RAF1: variants seen among roughly 807,000 people sequenced by gnomAD.
RAF1 encodes Raf-1 proto-oncogene, serine/threonine kinase.
In RAF1, 27 loss-of-function variants were observed where a neutral mutation model predicts 81.1. The observed-to-expected ratio is 0.33, with a 90% CI of 0.25 to 0.46. The LOEUF is 0.46. Ranked by LOEUF, RAF1 falls within the 20% of genes least tolerant of loss-of-function variation. The probability of loss-of-function intolerance (pLI) is 1.00; values close to 1 mark genes in which losing one functional copy is unlikely to be tolerated. For synonymous variants in RAF1, 298 were observed against 294.0 expected, an observed-to-expected ratio of 1.01 and a Z score of -0.14; for missense variants, 598 against 826.0, an observed-to-expected ratio of 0.72 and a Z score of 3.38.
At chr3:12,642,535 A>T (rs1216517220) in intron 1 of RAF1, among the ~76,000 whole-genome samples, 1 of 151,826 alleles carries the variant, frequency 6.6e-6, no homozygotes, top group East Asian at 1.9e-4. Context: ...TTAATTAATT[A>T]AAAAAACAGT....
At chr3:12,644,745 A>AATC (rs2060293052) in intron 1 of RAF1, among the ~76,000 whole-genome samples, 1 of 152,182 alleles carries the variant, frequency 6.6e-6, no homozygotes, top group Non-Finnish European at 1.5e-5. Context: ...CAATCATTAT[A>AATC]ATCAGGCACT....
At chr3:12,594,197 AGG>A (rs1205887583) in intron 11 of RAF1, among the ~76,000 whole-genome samples, 3 of 152,174 alleles carry the variant, frequency 2.0e-5, no homozygotes, top group Non-Finnish European at 4.4e-5. Context: ...CTCAGAAAGA[AGG>A]GATGAAGGTA....
At chr3:12,636,528 A>T (rs2060037846) in intron 1 of RAF1, among the ~76,000 whole-genome samples, 1 of 151,198 alleles carries the variant, frequency 6.6e-6, no homozygotes, top group South Asian at 2.1e-4. Context: ...TACACTGGCT[A>T]GGTGTGGTGG....
At chr3:12,645,113 A>T (rs1001281529) in intron 1 of RAF1, among the ~76,000 whole-genome samples, 10 of 151,652 alleles carry the variant, frequency 6.6e-5, no homozygotes, top group East Asian at 1.9e-4. Context: ...AAAAAAAAAA[A>T]AAAAAAAATA....
At chr3:12,608,509 A>C in intron 5 of RAF1, 1 of 521,872 alleles carries the variant, frequency 1.9e-6, no homozygotes. Flanking sequence ...TCCTTTCCTT[A>C]CTGAATCACA....
At chr3:12,593,794 T>TTTG (rs2058600389) in intron 11 of RAF1, among the ~76,000 whole-genome samples, 1 of 148,814 alleles carries the variant, frequency 6.7e-6, no homozygotes, top group Admixed American at 6.7e-5. Context: ...TCCTTTTTTT[T>TTTG]TTTTTTTTTT....
chr3:12,641,832 G>T (rs2060196591), intron 1 of RAF1, among the ~76,000 whole-genome samples: 2 of 152,058 alleles, frequency 1.3e-5, no homozygotes, highest in Admixed American at 6.6e-5. Context: ...AATGCTAGTT[G>T]TAGTTTAGAT....
intron 1 of RAF1, among the ~76,000 whole-genome samples, chr3:12,638,271 T>C (rs1341337574): frequency 1.3e-5 from 2 of 152,198 alleles, no homozygotes; most frequent in South Asian, 2.1e-4. Flanking sequence ...CTGGGCTATC[T>C]GGCAAGTGGT....
chr3:12,601,873 T>A (rs1212822350), intron 8 of RAF1, among the ~76,000 whole-genome samples: 1 of 152,156 alleles, frequency 6.6e-6, no homozygotes, highest in African/African-American at 2.4e-5. Flanking sequence ...GAGCATGTTT[T>A]GGAGGGGAAT....
At chr3:12,625,892 T>C (rs1001473964) in intron 1 of RAF1, among the ~76,000 whole-genome samples, 10 of 151,960 alleles carry the variant, frequency 6.6e-5, no homozygotes, top group African/African-American at 1.9e-4. Flanking sequence ...CCAATACCAA[T>C]ACAATTTAAT....
At chr3:12,654,013 A>C (rs2060610683) in intron 1 of RAF1, among the ~76,000 whole-genome samples, 1 of 149,454 alleles carries the variant, frequency 6.7e-6, no homozygotes, top group African/African-American at 2.5e-5. Context: ...TTTTCAAGAG[A>C]CAGCATCTTG....
chr3:12,645,097 CAAAAAA>C (rs11401342), intron 1 of RAF1, among the ~76,000 whole-genome samples: 1 of 65,056 alleles, frequency 1.5e-5, no homozygotes, highest in African/African-American at 5.0e-5. Context: ...GACTCAGTCT[CAAAAAA>C]AAAAAAAAAA....
Position 12,609,126 on chromosome 3 carries a change from A to C in RAF1, c.423+107T>G, listed in dbSNP as rs1553614799. 3 of 1,081,550 alleles carry C rather than the reference A, an allele frequency of 2.8e-6. No homozygotes were observed. The South Asian group carries it at 3.9e-5, about 14-fold the overall frequency. 67.0% of individuals were successfully genotyped at this position (1,081,550 alleles called of 1,614,324 possible). On this transcript the variant is annotated intron_variant, in intron 4 of 17. Transcript: ENST00000442415. ...GTAAACAACAGCATAAAGAACTTTA[A>C]ACAATCCAACTATATATATATATAC... is the stretch of plus-strand genomic sequence containing the variant.
chr3:12,585,721 G>A lies in RAF1; in HGVS notation c.1556C>T (p.Ser519Phe), dbSNP rs2125325853. The change falls in exon 15 of 18, where the codon TCT becomes TTT. Residue 519 changes from serine to phenylalanine, a missense_variant. By Grantham distance (155) the Ser-to-Phe change is radical (BLOSUM62 -2). Around this residue, in one of 5 missense-constraint regions of RAF1, gnomAD observed 147 missense variants for 196.1 expected, o/e 0.75. Coordinates refer to ENST00000442415, the MANE Select transcript of RAF1 (RefSeq NM_001354689.3). ...GCCAGTAGGTTGTTCAACCTGCTGA[G>A]AACCACTCCAGCGTGACTTTACTGT... The A allele has an allele frequency of 1.2e-6, 2 of 1,614,162 alleles. No individual in the cohort carries two copies. Among genetic ancestry groups the A allele is most frequent in the Middle Eastern group, 1.6e-4 (1 of 6,062 alleles).
chr3:12,587,475 T>A, intron 14 of RAF1, 116 bp downstream of exon 13: 1 of 1,026,956 alleles, frequency 9.7e-7, no homozygotes, highest in South Asian at 1.3e-5. Context: ...GTCCTCTGCC[T>A]CTTTCCTTAA....
At chr3:12,627,601 A>G (rs1000523019) in intron 1 of RAF1, among the ~76,000 whole-genome samples, 2 of 151,770 alleles carry the variant, frequency 1.3e-5, no homozygotes, top group African/African-American at 4.8e-5. Context: ...CTCTACAACT[A>G]TTTTTTCTGG....
rs2058248231 is a variant in RAF1, at chr3:12,584,400, TAGC to T, written c.*111_*113del. The T allele has an allele frequency of 2.9e-6, 4 of 1,376,414 alleles. No individual in the cohort carries two copies. Among genetic ancestry groups the T allele is most frequent in the African/African-American group, 1.4e-5 (1 of 70,108 alleles). 85.3% of individuals were successfully genotyped at this position (1,376,414 alleles called of 1,614,324 possible). A position where few individuals can be genotyped will look rare whatever the true frequency, so the allele number is the denominator to read the frequency against. On this transcript the variant is annotated 3_prime_UTR_variant, in exon 18 of 18. Transcript: ENST00000442415. Reference sequence around the variant, plus strand: ...CCCTGTGAGCAGTCTAGAAGGTCCTTAGCAGCAGCTTCTCTGAAAACATGTGTT... The same window carrying T: ...CCCTGTGAGCAGTCTAGAAGGTCCTTAGCAGCTTCTCTGAAAACATGTGTT...
intron 12 of RAF1, among the ~76,000 whole-genome samples, 155 bp downstream of exon 11, chr3:12,591,553 T>C (rs1369357021): frequency 2.6e-5 from 4 of 152,126 alleles, no homozygotes; most frequent in Non-Finnish European, 5.9e-5. Flanking sequence ...AAACATCCCT[T>C]TGCTCTCAAG....
In RAF1 at chr3:12,625,427, G is replaced by A. The variant is rs1199292278; in HGVS notation, c.-26-6680C>T. On this transcript the variant is annotated intron_variant, in intron 1 of 17. Coordinates refer to ENST00000442415, the MANE Select transcript of RAF1 (RefSeq NM_001354689.3). The stretch of plus-strand genomic sequence containing the variant: ...GGCAAAACATCTAGCACAAGCATTT[G>A]AAGTATTCTACTCTCACAGTGAAGA... Among the ~76,000 whole-genome samples the A allele has an allele frequency of 3.9e-5, 6 of 152,168 alleles. 1 individual carries two copies. Among genetic ancestry groups the A allele is most frequent in the Non-Finnish European group, 8.8e-5 (6 of 68,036 alleles).
Sources: allele counts gnomAD v4.1 joint callset (sites outside exome capture counted in the v4.1 genomes callset), GRCh38; gene constraint gnomAD v4.1.1; regional missense constraint gnomAD v4.1.1; transcripts MANE v1.5; gene names NCBI Gene and HGNC (gene_info 2026-07-23, HGNC 2026-07-21).